TMTC2: variants seen among roughly 807,000 people sequenced by gnomAD.
TMTC2 encodes the protein transmembrane O-mannosyltransferase targeting cadherins 2, also known as protein O-mannosyl-transferase TMTC2.
In TMTC2, 43 loss-of-function variants were observed where a neutral mutation model predicts 82.4. The ratio of observed to expected loss-of-function variants is 0.52; its 90% confidence interval spans 0.41 to 0.67. TMTC2 has a LOEUF of 0.67. TMTC2 is among the 30% of genes least tolerant of loss of function. The pLI is 0.00. For missense variants in TMTC2, 919 were observed against 1,012.4 expected, an observed-to-expected ratio of 0.91 and a Z score of 1.25; for synonymous variants, 408 against 381.9, an observed-to-expected ratio of 1.07 and a Z score of -0.80.
In TMTC2 at chr12:83,001,385, C is replaced by T. The variant is rs575925872; in HGVS notation, c.2070+15339C>T. Among the ~76,000 whole-genome samples, 10 of 152,150 alleles carry T rather than the reference C, an allele frequency of 6.6e-5. No homozygotes were observed. The East Asian group carries it at 1.7e-3, about 27-fold the overall frequency. On this transcript the variant is annotated intron_variant, in intron 8 of 11. Transcript: ENST00000321196. ...CAGCACGGTGGGTAATGCCTGTAAT[C>T]GTAGCACTTTGGGAGGCCGAGGTGG...
intron 1 of TMTC2, among the ~76,000 whole-genome samples, chr12:82,818,613 A>T (rs1394055042): frequency 3.3e-5 from 5 of 152,170 alleles, no homozygotes; most frequent in African/African-American, 1.2e-4. Context: ...TGTGGACATG[A>T]TGAAGACTCT....
At chr12:82,725,146 A>C (rs564008077) in intron 1 of TMTC2, among the ~76,000 whole-genome samples, 1 of 152,290 alleles carries the variant, frequency 6.6e-6, no homozygotes, top group East Asian at 1.9e-4. Context: ...CTTAAAAAAA[A>C]AACAAAAAAA....
At chr12:82,951,757 G>A (rs985943354) in intron 4 of TMTC2, among the ~76,000 whole-genome samples, 5 of 152,132 alleles carry the variant, frequency 3.3e-5, no homozygotes, top group African/African-American at 1.2e-4. Flanking sequence ...AGTGTGTTAA[G>A]CATTTTTCTA....
intron 4 of TMTC2, among the ~76,000 whole-genome samples, chr12:82,937,729 G>GTGTGTGT (rs1876398207): frequency 1.6e-4 from 2 of 12,594 alleles, no homozygotes; most frequent in South Asian, 3.0e-3. Context: ...TGTGTGTGTG[G>GTGTGTGT]ATGTGTGTGT....
At chr12:83,096,624 C>T (rs767913322) in intron 11 of TMTC2, among the ~76,000 whole-genome samples, 1 of 152,124 alleles carries the variant, frequency 6.6e-6, no homozygotes, top group Non-Finnish European at 1.5e-5. Context: ...CTTTATAAAA[C>T]CATCAGATCT....
chr12:82,937,769 T>TATATATATATATATATAC (rs1876440545), intron 4 of TMTC2, among the ~76,000 whole-genome samples: 1 of 21,746 alleles, frequency 4.6e-5, no homozygotes, highest in African/African-American at 1.4e-4. Flanking sequence ...TATATATATA[T>TATATATATATATATATAC]ATATATATAT....
intron 1 of TMTC2, among the ~76,000 whole-genome samples, chr12:82,853,807 AG>A (rs1269107781): frequency 6.6e-6 from 1 of 152,062 alleles, no homozygotes; most frequent in African/African-American, 2.4e-5. Context: ...TGATGGTATG[AG>A]GGTTTCTGGA....
At chr12:83,058,217 G>T (rs963792410) in intron 10 of TMTC2, among the ~76,000 whole-genome samples, 1 of 151,764 alleles carries the variant, frequency 6.6e-6, no homozygotes, top group Non-Finnish European at 1.5e-5. Flanking sequence ...TCCGCAGTAC[G>T]CAAATGATGA....
At chr12:82,930,898 G>T (rs1875991863) in intron 4 of TMTC2, among the ~76,000 whole-genome samples, 1 of 152,128 alleles carries the variant, frequency 6.6e-6, no homozygotes, top group Non-Finnish European at 1.5e-5. Flanking sequence ...TGCAAATCAT[G>T]TGTTGATTAT....
chr12:82,860,465 T>C (rs1871486221), intron 2 of TMTC2, among the ~76,000 whole-genome samples: 1 of 152,160 alleles, frequency 6.6e-6, no homozygotes, highest in Admixed American at 6.5e-5. Context: ...ATAGGTAAAG[T>C]CAATTGACTG....
intron 8 of TMTC2, among the ~76,000 whole-genome samples, chr12:83,010,320 C>T (rs763221482): frequency 2.0e-5 from 3 of 152,174 alleles, no homozygotes; most frequent in Non-Finnish European, 4.4e-5. Context: ...TCTCAAGAAA[C>T]CAGCCATCAG....
chr12:82,844,867 A>G (rs1223774623), intron 1 of TMTC2, among the ~76,000 whole-genome samples: 1 of 151,994 alleles, frequency 6.6e-6, no homozygotes, highest in Non-Finnish European at 1.5e-5. Context: ...AACTTCATTA[A>G]AAAAAGTATA....
At chr12:83,098,047 G>T (rs1033453029) in intron 11 of TMTC2, among the ~76,000 whole-genome samples, 1 of 152,200 alleles carries the variant, frequency 6.6e-6, no homozygotes, top group Non-Finnish European at 1.5e-5. Flanking sequence ...CAAAGATGTC[G>T]AGGGCTACTC....
Position 83,030,751 on chromosome 12 carries a change from T to C in TMTC2, c.2071-47T>C, listed in dbSNP as rs746573351. On this transcript the variant is annotated intron_variant, in intron 8 of 11. Coordinates refer to ENST00000321196, the MANE Select transcript of TMTC2 (RefSeq NM_152588.3). ...TCAGTTAGGCCCAGGCAGTGAAGAA[T>C]CCCTCATGATCTGTTCCTGAATCAT... 1.1e-5 allele frequency: 16 copies of C among 1,411,964 alleles called. No homozygotes were observed. In the Middle Eastern group the frequency reaches 5.3e-4, roughly 47 times the overall value. 87.5% of individuals were successfully genotyped at this position (1,411,964 alleles called of 1,614,324 possible). A position where few individuals can be genotyped will look rare whatever the true frequency, so the allele number is the denominator to read the frequency against.
At chr12:82,839,416 T>A (rs189931375) in intron 1 of TMTC2, among the ~76,000 whole-genome samples, 4 of 152,310 alleles carry the variant, frequency 2.6e-5, no homozygotes, top group Admixed American at 6.5e-5. Context: ...TCTTCTAGGT[T>A]GTATTTTAGG....
chr12:82,825,731 A>G (rs1869383703), intron 1 of TMTC2, among the ~76,000 whole-genome samples: 2 of 152,154 alleles, frequency 1.3e-5, no homozygotes, highest in African/African-American at 4.8e-5. Context: ...TTTGTCGAAG[A>G]TTTAACTTTA....
At position 82,998,218 on chromosome 12, in the gene TMTC2, A is replaced by G. The variant is rs1411722023; in HGVS notation, c.2070+12172A>G. Among the ~76,000 whole-genome samples the G allele has an allele frequency of 3.3e-5, 5 of 152,054 alleles. No homozygotes were observed. The South Asian group carries it at 8.3e-4, about 25-fold the overall frequency. ...AGAGTGTGATTCATTGCTCTCCTCT[A>G]TGATTGATATGATGGGTGGACGGAG... On this transcript the variant is annotated intron_variant, in intron 8 of 11. Coordinates refer to ENST00000321196, the MANE Select transcript of TMTC2 (RefSeq NM_152588.3).
At chr12:82,758,252 A>G (rs1383816451) in intron 1 of TMTC2, among the ~76,000 whole-genome samples, 1 of 152,062 alleles carries the variant, frequency 6.6e-6, no homozygotes, top group Admixed American at 6.5e-5. Context: ...TTAGATATGC[A>G]TGGTTTTGAG....
chr12:82,695,699 A>G (rs2136889875), intron 1 of TMTC2, among the ~76,000 whole-genome samples: 1 of 152,328 alleles, frequency 6.6e-6, no homozygotes, highest in Non-Finnish European at 1.5e-5. Context: ...TGCATGTAGA[A>G]GTGACATCCC....
Sources: allele counts gnomAD v4.1 joint callset (sites outside exome capture counted in the v4.1 genomes callset), GRCh38; gene constraint gnomAD v4.1.1; transcripts MANE v1.5; gene names NCBI Gene and HGNC (gene_info 2026-07-23, HGNC 2026-07-21).